The following SEC63 variants were observed in gnomAD, a reference collection of about 807,000 sequenced individuals.
SEC63 encodes the protein SEC63 protein translocation regulator.
Under a neutral mutation model 116.2 loss-of-function variants are expected in SEC63, and 56 were observed. That is an observed-to-expected ratio of 0.48 (90% CI 0.39 to 0.60). The LOEUF is 0.60. Among genes scored for constraint, SEC63 ranks in the 20% least tolerant of loss-of-function variants. The pLI is 0.00. For synonymous variants in SEC63, 273 were observed against 294.6 expected (o/e 0.93, Z 0.75); for missense variants, 668 against 900.0 (o/e 0.74, Z 3.30).
intron 1 of SEC63, among the ~76,000 whole-genome samples, chr6:107,935,254 G>C (rs1770202410): frequency 6.6e-6 from 1 of 151,710 alleles, no homozygotes; most frequent in African/African-American, 2.4e-5. Flanking sequence ...GAAGTGAGGA[G>C]CCCCTCTGCC....
chr6:107,951,489 T>C (rs533487852), intron 1 of SEC63, among the ~76,000 whole-genome samples: 39 of 152,266 alleles, frequency 2.6e-4, no homozygotes, highest in Admixed American at 2.2e-3. Flanking sequence ...AAAGAGCACA[T>C]AGCAAAACAA....
intron 16 of SEC63, among the ~76,000 whole-genome samples, chr6:107,884,269 A>G (rs1424930008): frequency 9.6e-5 from 14 of 146,452 alleles, no homozygotes; most frequent in African/African-American, 3.5e-4. Flanking sequence ...AAAAAAAAAG[A>G]GCAGAGAGAG....
At chr6:107,911,978 C>A (rs914243676) in intron 6 of SEC63, among the ~76,000 whole-genome samples, 1 of 152,296 alleles carries the variant, frequency 6.6e-6, no homozygotes. Flanking sequence ...TATTCCTTCT[C>A]GACTATTCCT....
chr6:107,911,287 T>A, intron 7 of SEC63, 59 bp downstream of exon 7: 1 of 1,158,908 alleles, frequency 8.6e-7, no homozygotes. Flanking sequence ...ATAGGGAGAC[T>A]CCAAAACATG....
chr6:107,921,966 C>A, intron 3 of SEC63, 57 bp from the exon 4 acceptor site: 1 of 989,494 alleles, frequency 1.0e-6, no homozygotes. Flanking sequence ...AAGCACAATT[C>A]TGTAAAGAAA....
At chr6:107,879,852 G>A (rs1043125497) in intron 18 of SEC63, among the ~76,000 whole-genome samples, 2 of 149,786 alleles carry the variant, frequency 1.3e-5, no homozygotes, top group African/African-American at 2.5e-5. Context: ...AGCTTCCCAA[G>A]TAGCCTAGGA....
At position 107,897,700 on chromosome 6, in the gene SEC63, T is replaced by A; in HGVS notation, c.1389A>T (p.Thr463=). The A allele has an allele frequency of 6.2e-7, 1 of 1,610,644 alleles. No homozygotes were observed. Among genetic ancestry groups the A allele is most frequent in the South Asian group, 1.1e-5 (1 of 91,006 alleles). ...CCAACACTGTAACTAAGGATCCTAC[T>A]GTGATGTTGTTGCTATCTTCATCAT... ...VLDDEDSNNI[T]VGSLVTVLVK... The change falls in exon 14 of 21, where the codon ACA becomes ACT. Residue 463 remains threonine (T), a synonymous_variant. Transcript: ENST00000369002.
intron 6 of SEC63, among the ~76,000 whole-genome samples, chr6:107,911,828 C>T (rs961049060): frequency 2.6e-5 from 4 of 152,310 alleles, no homozygotes; most frequent in South Asian, 4.1e-4. Flanking sequence ...GTAGTTAGTG[C>T]TCTGGGAACA....
chr6:107,915,289 C>A (rs1407934604), intron 4 of SEC63, among the ~76,000 whole-genome samples: 1 of 151,876 alleles, frequency 6.6e-6, no homozygotes, highest in African/African-American at 2.4e-5. Context: ...AATCTATGAC[C>A]CCTTTGCCCT....
chr6:107,935,480 G>T (rs3890453), intron 1 of SEC63, among the ~76,000 whole-genome samples: 15 of 149,082 alleles, frequency 1.0e-4, no homozygotes, highest in South Asian at 4.3e-4. Context: ...CCTGTTGATC[G>T]GTGACCTTAC....
Position 107,897,692 on chromosome 6 carries a change from G to A in SEC63, c.1397C>T (p.Ser466Phe). Residue 466 changes from serine to phenylalanine, a missense_variant, in exon 14 of 21, where the codon TCC (serine) becomes TTC (phenylalanine). This residue lies in a region of SEC63 where 430 missense variants were observed against 557.5 expected (regional missense o/e 0.77). Coordinates refer to ENST00000369002, the MANE Select transcript of SEC63 (RefSeq NM_007214.5). ...DEDSNNITVG[S>F]LVTVLVKLTR... is the part of the protein sequence containing the mutation. The stretch of plus-strand genomic sequence containing the variant: ...CAACTTAACCAACACTGTAACTAAG[G>A]ATCCTACTGTGATGTTGTTGCTATC... 1 of 1,610,360 alleles carries A rather than the reference G, an allele frequency of 6.2e-7. No homozygotes were observed. Among genetic ancestry groups the A allele is most frequent in the Non-Finnish European group, 8.5e-7 (1 of 1,176,938 alleles).
Position 107,902,973 on chromosome 6 carries a change from C to A in SEC63, c.1080G>T (p.Leu360Phe). 1 of 1,613,898 alleles carries A rather than the reference C, an allele frequency of 6.2e-7. No individual in the cohort carries two copies. The change falls in exon 12 of 21, where the codon TTG (leucine) becomes TTT (phenylalanine). Residue 360 changes from leucine to phenylalanine, a missense_variant. This residue lies in a region of SEC63 where 430 missense variants were observed against 557.5 expected (regional missense o/e 0.77). Transcript: ENST00000369002. ...REEREFRAPTLASLENCMKLS... is the reference protein window; with the variant it reads ...REEREFRAPTFASLENCMKLS... The stretch of plus-strand genomic sequence containing the variant: ...GCTTCATGCAGTTTTCTAGGGATGC[C>A]AAAGTTGGAGCACGAAACTCCCTTT...
intron 18 of SEC63, 103 bp from the exon 19 acceptor site, chr6:107,876,765 A>T: frequency 1.4e-6 from 1 of 714,036 alleles, no homozygotes. Context: ...GATCCTCTGC[A>T]CTGACAAACT....
chr6:107,936,651 A>G (rs1481446545), intron 1 of SEC63, among the ~76,000 whole-genome samples: 3 of 152,238 alleles, frequency 2.0e-5, no homozygotes, highest in African/African-American at 7.2e-5. Flanking sequence ...TTTATATAGT[A>G]AAGCTGCAGG....
chr6:107,886,543 G>A (rs1786533274), intron 16 of SEC63, among the ~76,000 whole-genome samples: 1 of 152,174 alleles, frequency 6.6e-6, no homozygotes, highest in Admixed American at 6.5e-5. Context: ...TTTAATGACT[G>A]CTGTTCTAAC....
chr6:107,891,427 T>C (rs530379878), intron 16 of SEC63, among the ~76,000 whole-genome samples: 2 of 152,150 alleles, frequency 1.3e-5, no homozygotes, highest in Admixed American at 1.3e-4. Context: ...AGGTCATTTA[T>C]GTTCTTCTCT....
intron 13 of SEC63, 124 bp downstream of exon 13, chr6:107,901,246 G>C (rs1786992954): frequency 7.2e-6 from 7 of 976,696 alleles, no homozygotes; most frequent in African/African-American, 3.2e-5. Context: ...GTAAACTACA[G>C]TTCTGCAAAG....
At chr6:107,876,808 T>G (rs1786286051) in intron 18 of SEC63, 146 bp from the exon 19 acceptor site, 1 of 627,378 alleles carries the variant, frequency 1.6e-6, no homozygotes, top group Admixed American at 2.8e-5. Context: ...AAATGAATAT[T>G]TACTGAAAGA....
intron 1 of SEC63, among the ~76,000 whole-genome samples, chr6:107,934,113 C>T (rs1328243855): frequency 6.6e-6 from 1 of 152,216 alleles, no homozygotes; most frequent in Non-Finnish European, 1.5e-5. Context: ...TCCCAAAGTG[C>T]CGAGATTGCA....
Sources: gnomAD v4.1 joint callset for allele counts (sites outside exome capture counted in the v4.1 genomes callset) on GRCh38, gnomAD v4.1.1 for gene constraint, gnomAD v4.1.1 regional missense constraint, MANE v1.5 for transcripts, NCBI Gene and HGNC (gene_info 2026-07-23, HGNC 2026-07-21) for gene names.